Variants in DUOXA1 observed in about 807,000 individuals in gnomAD.
DUOXA1 encodes the protein dual oxidase maturation factor 1, also known as dual oxidase activator 1.
Under a neutral mutation model 26.6 loss-of-function variants are expected in DUOXA1, and 19 were observed. That is an observed-to-expected ratio of 0.71 (90% CI 0.50 to 1.05). The LOEUF is 1.05. Ranked by LOEUF, DUOXA1 falls within the 50% of genes least tolerant of loss-of-function variation. The pLI is 0.00. For missense variants in DUOXA1, 403 were observed against 427.5 expected, an observed-to-expected ratio of 0.94 and a Z score of 0.51; for synonymous variants, 166 against 177.0, an observed-to-expected ratio of 0.94 and a Z score of 0.49.
chr15:45,119,539 T>A (rs1894945655), intron 8 of DUOXA1, among the ~76,000 whole-genome samples, 174 bp from the exon 9 acceptor site: 1 of 152,054 alleles, frequency 6.6e-6, no homozygotes, highest in Non-Finnish European at 1.5e-5. Context: ...GGCTCTGTTG[T>A]CCTAAGTTTC....
chr15:45,118,010 G>A lies in DUOXA1; in HGVS notation c.*1096C>T. 6.2e-7 allele frequency: 1 copy of A among 1,604,856 alleles called. No homozygotes were observed. The highest frequency in any genetic ancestry group is 8.5e-7 in the Non-Finnish European group (1 of 1,173,430). On this transcript the variant is annotated 3_prime_UTR_variant, in exon 9 of 9. Coordinates refer to ENST00000560572, the MANE Select transcript of DUOXA1 (RefSeq NM_001276266.2). The stretch of plus-strand genomic sequence containing the variant: ...AGGAGAGCTCCAGGAAGGGCACTGA[G>A]CGCTGCTGGCGCGAGGCCTCGGACA...
At chr15:45,120,935 G>C in intron 6 of DUOXA1, 130 bp from the exon 7 acceptor site, 11 of 1,503,008 alleles carry the variant, frequency 7.3e-6, no homozygotes, top group Non-Finnish European at 1.0e-5. Context: ...CCAAGGCCCT[G>C]AATTTCCCTT....
chr15:45,121,658 G>T (rs1895221745), intron 5 of DUOXA1, among the ~76,000 whole-genome samples: 2 of 152,232 alleles, frequency 1.3e-5, no homozygotes, highest in South Asian at 4.1e-4. Flanking sequence ...GGGATTACAG[G>T]TGTCTGCCAT....
In DUOXA1 at chr15:45,119,040, T is replaced by C; in HGVS notation, c.*66A>G. 2 of 1,518,764 alleles carry C rather than the reference T, an allele frequency of 1.3e-6. No homozygotes were observed. Among genetic ancestry groups the C allele is most frequent in the Non-Finnish European group, 1.8e-6 (2 of 1,130,950 alleles). 94.1% of individuals were successfully genotyped at this position (1,518,764 alleles called of 1,614,324 possible). On this transcript the variant is annotated 3_prime_UTR_variant, in exon 9 of 9. Coordinates refer to ENST00000560572, the MANE Select transcript of DUOXA1 (RefSeq NM_001276266.2). ...CCACCCTGAGGGCAGTTCTGCTGGT[T>C]TTATGGGGCGCCAATGAGGTTTGGA...
rs1401985831 is a variant in DUOXA1, at chr15:45,129,254, A to T, written c.-146-120T>A. 6.6e-6 allele frequency: 1 copy of T among 151,282 alleles called. No homozygotes were observed. The highest frequency in any genetic ancestry group is 1.5e-5 in the Non-Finnish European group (1 of 67,876). The allele number at this position is 151,282 out of a possible 1,614,324, so 9.4% of individuals were successfully genotyped here. A position where few individuals can be genotyped will look rare whatever the true frequency, so the allele number is the denominator to read the frequency against. ...AACCGGGTCTGGGGTGCTTCCAGTC[A>T]CTCTTCAAGTCACTCCCAAACTTCT... On this transcript the variant is annotated intron_variant, in intron 2 of 8. Coordinates refer to ENST00000560572, the MANE Select transcript of DUOXA1 (RefSeq NM_001276266.2). This position sits in a 1 kb window ranked among gnomAD's most constrained non-coding sequence, Gnocchi z 4.1.
At position 45,119,244 on chromosome 15, in the gene DUOXA1, C is replaced by T. The variant is rs1436379545; in HGVS notation, c.894G>A (p.Glu298=). 4.3e-6 allele frequency: 7 copies of T among 1,614,048 alleles called. No homozygotes were observed. The highest frequency in any genetic ancestry group is 5.9e-6 in the Non-Finnish European group (7 of 1,180,040). Residue 298 remains glutamate, a synonymous_variant, in exon 9 of 9, where the codon GAG becomes GAA. Transcript: ENST00000560572. ...AGCGGGGGCTCAGGAGTCCACCTTC[C>T]TCAGGACTCCACTCCAGCATGGGGT... ...DEDPMLEWSP[E]EGGLLSPRYR...
At chr15:45,125,259 C>A (rs1895580011) in intron 3 of DUOXA1, among the ~76,000 whole-genome samples, 1 of 152,216 alleles carries the variant, frequency 6.6e-6, no homozygotes, top group Admixed American at 6.5e-5. Context: ...CTCCTGGGCT[C>A]TAGCCATTCA....
chr15:45,119,428 C>A, intron 8 of DUOXA1, 63 bp from the exon 9 acceptor site: 1 of 1,513,778 alleles, frequency 6.6e-7, no homozygotes, highest in South Asian at 1.3e-5. Context: ...GGATATCTTC[C>A]CCTGGGAGTG....
intron 3 of DUOXA1, among the ~76,000 whole-genome samples, chr15:45,127,028 A>C (rs1322923579): frequency 6.6e-6 from 1 of 152,240 alleles, no homozygotes; most frequent in Non-Finnish European, 1.5e-5. Context: ...ATTTTATAAA[A>C]TATGTGATAG....
chr15:45,120,377 TTGGA>T (rs1176520187), intron 7 of DUOXA1, 57 bp from the exon 8 acceptor site: 1 of 1,604,286 alleles, frequency 6.2e-7, no homozygotes. Flanking sequence ...GCTGGTGAAT[TTGGA>T]TGGGCCCAGG....
rs771626824 is a variant in DUOXA1, at chr15:45,122,879, G to A, written c.136C>T (p.Arg46Trp). ...ACTGGGTTTCTCACCGTCTTTCCCC[G>A]AATGCCAGGCAGGATGACGATGAAC... ...ATFIVILPGI[R>W]GKTRLFWLLR... The change falls in exon 4 of 9, where the codon CGG becomes TGG. Residue 46 changes from arginine to tryptophan, a missense_variant. Transcript: ENST00000560572. 1.1e-5 allele frequency: 18 copies of A among 1,608,972 alleles called. No individual in the cohort carries two copies. Among genetic ancestry groups the A allele is most frequent in the African/African-American group, 5.4e-5 (4 of 74,556 alleles).
At chr15:45,127,556 C>A (rs1895776173) in intron 3 of DUOXA1, among the ~76,000 whole-genome samples, 1 of 152,074 alleles carries the variant, frequency 6.6e-6, no homozygotes, top group Non-Finnish European at 1.5e-5. Flanking sequence ...ATTTGCATTG[C>A]CTAATTTAAA....
chr15:45,121,284 C>G, intron 5 of DUOXA1, 63 bp from the exon 6 acceptor site: 1 of 1,609,942 alleles, frequency 6.2e-7, no homozygotes, highest in Non-Finnish European at 8.5e-7. Context: ...AGGTTAGAGT[C>G]AGAAGGAGAA....
intron 4 of DUOXA1, 46 bp from the exon 5 acceptor site, chr15:45,122,288 A>G (rs371675007): frequency 1.8e-4 from 280 of 1,553,754 alleles, no homozygotes; most frequent in Non-Finnish European, 2.3e-4. Context: ...CCTTCCTTCC[A>G]CATCTACCCT....
Position 45,117,616 on chromosome 15 carries a change from C to G in DUOXA1, c.*1490G>C, listed in dbSNP as rs761250676. ...CTGTAATCCCAGCACTTTGGGAGGTCGAGGCAGGAAGGTCGTTTGAGGCCA... is the reference window on the plus strand; with the variant it reads ...CTGTAATCCCAGCACTTTGGGAGGTGGAGGCAGGAAGGTCGTTTGAGGCCA... On this transcript the variant is annotated 3_prime_UTR_variant, in exon 9 of 9. Transcript: ENST00000560572. 2.5e-6 allele frequency: 4 copies of G among 1,613,468 alleles called. No homozygotes were observed. In the Admixed American group the frequency reaches 6.7e-5, roughly 27 times the overall value.
intron 3 of DUOXA1, 133 bp from the exon 4 acceptor site, chr15:45,123,176 A>C (rs1354417628): frequency 2.3e-6 from 2 of 861,638 alleles, no homozygotes; most frequent in Non-Finnish European, 3.2e-6. Context: ...GCATCATCAG[A>C]CTCTGCTATT....
Position 45,117,616 on chromosome 15 carries a change from C to A in DUOXA1, c.*1490G>T. ...CTGTAATCCCAGCACTTTGGGAGGT[C>A]GAGGCAGGAAGGTCGTTTGAGGCCA... On this transcript the variant is annotated 3_prime_UTR_variant, in exon 9 of 9. Coordinates refer to ENST00000560572, the MANE Select transcript of DUOXA1 (RefSeq NM_001276266.2). 1 of 1,613,468 alleles carries A rather than the reference C, an allele frequency of 6.2e-7. No homozygotes were observed. The highest frequency in any genetic ancestry group is 1.1e-5 in the South Asian group (1 of 90,982).
intron 6 of DUOXA1, 89 bp from the exon 7 acceptor site, chr15:45,120,894 G>C: frequency 1.3e-6 from 2 of 1,521,156 alleles, no homozygotes; most frequent in Non-Finnish European, 1.8e-6. Context: ...CAGAGGGACA[G>C]GAAGTGGTCT....
Position 45,118,271 on chromosome 15 carries a change from G to A in DUOXA1, c.*835C>T. ...GGGCGCCCTCTAGTGAGGCCGGAGG[G>A]ACCCTACCAGAGCTAGCATCTTTCT... On this transcript the variant is annotated 3_prime_UTR_variant, in exon 9 of 9. Coordinates refer to ENST00000560572, the MANE Select transcript of DUOXA1 (RefSeq NM_001276266.2). 2.2e-6 allele frequency: 3 copies of A among 1,369,018 alleles called. No homozygotes were observed. The highest frequency in any genetic ancestry group is 2.8e-6 in the Non-Finnish European group (3 of 1,066,940). The allele number at this position is 1,369,018 out of a possible 1,614,324, so 84.8% of individuals were successfully genotyped here. A position where few individuals can be genotyped will look rare whatever the true frequency, so the allele number is the denominator to read the frequency against.
Sources: gnomAD v4.1 joint callset for allele counts (sites outside exome capture counted in the v4.1 genomes callset) on GRCh38, gnomAD v4.1.1 for gene constraint, Gnocchi (gnomAD v3.1) non-coding constraint, MANE v1.5 for transcripts, NCBI Gene and HGNC (gene_info 2026-07-23, HGNC 2026-07-21) for gene names.